The following AGBL5 variants were observed in gnomAD, a reference collection of about 807,000 sequenced individuals.
AGBL5 encodes the protein cytosolic carboxypeptidase-like protein 5.
In AGBL5, 51 loss-of-function variants were observed where a neutral mutation model predicts 88.0. The observed-to-expected ratio is 0.58, with a 90% CI of 0.46 to 0.73. The LOEUF (loss-of-function observed/expected upper bound fraction) is 0.73, where lower values mean the gene tolerates loss of function less well. Among genes scored for constraint, AGBL5 ranks in the 30% least tolerant of loss-of-function variants. The pLI is 0.00. For missense variants in AGBL5, 1,031 were observed against 1,162.2 expected (o/e 0.89, Z 1.64); for synonymous variants, 446 against 438.8 (o/e 1.02, Z -0.21).
In AGBL5 at chr2:27,055,216, A is replaced by G; in HGVS notation, c.871A>G (p.Met291Val). Reference sequence around the variant, plus strand: ...CCTCTTCGTCTTTAAGCTGATTCCCATGTTGAACCCCGATGGTGTGGTCCG... The same window carrying G: ...CCTCTTCGTCTTTAAGCTGATTCCCGTGTTGAACCCCGATGGTGTGGTCCG... ...RRLFVFKLIP[M>V]LNPDGVVRGH... Residue 291 changes from methionine (M) to valine (V), a missense_variant, in exon 6 of 15, where the codon ATG (methionine) becomes GTG (valine). Physicochemically the swap from Met to Val is conservative, Grantham distance 21. Coordinates refer to ENST00000360131, the MANE Select transcript of AGBL5 (RefSeq NM_021831.6). The G allele has an allele frequency of 1.2e-6, 2 of 1,614,066 alleles. No homozygotes were observed. The highest frequency in any genetic ancestry group is 8.5e-7 in the Non-Finnish European group (1 of 1,180,008).
In AGBL5 at chr2:27,069,610, G is replaced by C; in HGVS notation, c.2393G>C (p.Arg798Pro). Residue 798 changes from arginine to proline, a missense_variant, in exon 14 of 15, where the codon CGC becomes CCC. Physicochemically the swap from Arg to Pro is moderately radical, Grantham distance 103 (BLOSUM62 -2). This residue lies in a region of AGBL5 where 491 missense variants were observed against 484.0 expected (regional missense o/e 1.01). Transcript: ENST00000360131. ...PRLGRGSPPTRRGMKGSSGPT... is the reference protein window; with the variant it reads ...PRLGRGSPPTPRGMKGSSGPT... ...TTGGGCCGGGGCTCACCGCCGACTC[G>C]CAGAGGGATGAAAGGCTCTTCAGGC... 2 of 1,614,164 alleles carry C rather than the reference G, an allele frequency of 1.2e-6. No individual in the cohort carries two copies. Among genetic ancestry groups the C allele is most frequent in the Non-Finnish European group, 1.7e-6 (2 of 1,180,024 alleles).
chr2:27,050,714 G>C (rs1668037847), upstream of AGBL5, among the ~76,000 whole-genome samples: 1 of 152,224 alleles, frequency 6.6e-6, no homozygotes, highest in South Asian at 2.1e-4. Context: ...GGAGAAAGCG[G>C]GGGTCATGGC....
chr2:27,065,939 T>C (rs1470198777), intron 11 of AGBL5, among the ~76,000 whole-genome samples: 2 of 152,132 alleles, frequency 1.3e-5, no homozygotes, highest in African/African-American at 4.8e-5. Context: ...TTTGAATGTG[T>C]AGTGTTCAAA....
In AGBL5 at chr2:27,054,945, G is replaced by A. The variant is rs1668356091; in HGVS notation, c.730-130G>A. On this transcript the variant is annotated intron_variant, in intron 5 of 14. Transcript: ENST00000360131. ...GCGTGCGGCAAGGGTGATGGCCCCT[G>A]CTCCACTTGCAGATTCAGCCAGCTG... 5 of 1,480,664 alleles carry A rather than the reference G, an allele frequency of 3.4e-6. No individual in the cohort carries two copies. In the South Asian group the frequency reaches 6.4e-5, roughly 19 times the overall value. The allele number at this position is 1,480,664 out of a possible 1,614,324, so 91.7% of individuals were successfully genotyped here. A position where few individuals can be genotyped will look rare whatever the true frequency, so the allele number is the denominator to read the frequency against.
intron 11 of AGBL5, 40 bp from the exon 12 acceptor site, chr2:27,067,454 C>G (rs373335393): frequency 3.8e-6 from 6 of 1,596,630 alleles, no homozygotes; most frequent in Non-Finnish European, 5.1e-6. Flanking sequence ...TAGTGCCCCA[C>G]TTATTTGCCC....
chr2:27,056,506 A>T, intron 7 of AGBL5, 117 bp from the exon 8 acceptor site: 2 of 892,642 alleles, frequency 2.2e-6, no homozygotes, highest in Non-Finnish European at 3.4e-6. Flanking sequence ...GATTACTGTT[A>T]ATGGTTGTGA....
At chr2:27,069,760 C>G in intron 14 of AGBL5, 54 bp downstream of exon 14, 1 of 1,561,700 alleles carries the variant, frequency 6.4e-7, no homozygotes, top group South Asian at 1.2e-5. Context: ...TCCCCTCATT[C>G]CCATTTCTGT....
upstream of AGBL5, chr2:27,051,575 A>G (rs1668144464): frequency 6.6e-6 from 1 of 152,260 alleles, no homozygotes; most frequent in Non-Finnish European, 1.5e-5. Context: ...ACGTGCGAGG[A>G]ACCCTGAGAG....
At chr2:27,050,805 G>A (rs1204089929), upstream of AGBL5, among the ~76,000 whole-genome samples, 3 of 152,244 alleles carry the variant, frequency 2.0e-5, no homozygotes, top group Non-Finnish European at 4.4e-5. Flanking sequence ...AGTTGGTAGA[G>A]CGGAGGACTG....
At chr2:27,061,403 A>C (rs1668711277) in intron 11 of AGBL5, among the ~76,000 whole-genome samples, 1 of 152,072 alleles carries the variant, frequency 6.6e-6, no homozygotes, top group Non-Finnish European at 1.5e-5. Context: ...CGTCTGGCTA[A>C]TTTTTGTACT....
chr2:27,059,432 AT>A, intron 11 of AGBL5, 28 bp downstream of exon 11: 1 of 1,613,504 alleles, frequency 6.2e-7, no homozygotes, highest in East Asian at 2.2e-5. Context: ...CCCCTGCAAC[AT>A]GTGTTCGGTT....
Position 27,068,736 on chromosome 2 carries a change from C to T in AGBL5, c.2347C>T (p.Arg783Ter), listed in dbSNP as rs1418614155. 7 of 1,613,874 alleles carry T rather than the reference C, an allele frequency of 4.3e-6. No individual in the cohort carries two copies. The highest frequency in any genetic ancestry group is 1.3e-5 in the African/African-American group (1 of 74,888). Residue 783 changes from arginine to a stop codon, truncating the protein, a stop_gained, in exon 13 of 15, where the codon CGA becomes TGA. Transcript: ENST00000360131. LOFTEE classifies it high-confidence loss of function. ...TGARMPCIKT[R>*]LQARPRLGRG... ...AGCTCGGATGCCCTGCATCAAGACT[C>T]GATTGCAGGTAATATTTTTGGGTCT...
In AGBL5 at chr2:27,053,658, T is replaced by TATGA. The variant is rs1480585971; in HGVS notation, c.387+87_387+90dup. 6.6e-7 allele frequency: 1 copy of TATGA among 1,508,962 alleles called. No homozygotes were observed. The highest frequency in any genetic ancestry group is 1.4e-5 in the African/African-American group (1 of 71,328). 93.5% of individuals were successfully genotyped at this position (1,508,962 alleles called of 1,614,324 possible). On this transcript the variant is annotated intron_variant, in intron 3 of 14. Transcript: ENST00000360131. This position sits in a 1 kb window ranked among gnomAD's most constrained non-coding sequence, Gnocchi z 4.9. ...AGCGTTTTTTTTTCCTTGATACAAG[T>TATGA]ATGAAGCAGGTGGGACAACAGGTTT...
At chr2:27,060,468 A>T (rs1399413205) in intron 11 of AGBL5, among the ~76,000 whole-genome samples, 1 of 152,214 alleles carries the variant, frequency 6.6e-6, no homozygotes, top group African/African-American at 2.4e-5. Flanking sequence ...CTAAACCACA[A>T]ATCAATACTG....
At chr2:27,063,894 T>C (rs1330693741) in intron 11 of AGBL5, among the ~76,000 whole-genome samples, 2 of 152,226 alleles carry the variant, frequency 1.3e-5, no homozygotes, top group African/African-American at 4.8e-5. Context: ...CTGGTTGCCA[T>C]AAGATACCAT....
chr2:27,056,574 C>G, intron 7 of AGBL5, 49 bp from the exon 8 acceptor site: 1 of 1,525,214 alleles, frequency 6.6e-7, no homozygotes, highest in Non-Finnish European at 8.9e-7. Context: ...TTCCTTGCAC[C>G]TTGTCCCTTC....
intron 11 of AGBL5, among the ~76,000 whole-genome samples, chr2:27,064,781 G>GTC (rs70953845): frequency 0.071 from 6,845 of 96,246 alleles, 264 homozygotes; most frequent in East Asian, 0.2. Context: ...TTTTGAGACA[G>GTC]TCTCACTCTG....
intron 11 of AGBL5, among the ~76,000 whole-genome samples, chr2:27,059,882 C>T (rs1668627337): frequency 6.6e-6 from 1 of 152,218 alleles, no homozygotes; most frequent in Admixed American, 6.5e-5. Context: ...GGTGCAGTGG[C>T]TCATGCTTAT....
upstream of AGBL5, among the ~76,000 whole-genome samples, chr2:27,050,811 G>A (rs1379827226): frequency 1.3e-5 from 2 of 152,214 alleles, no homozygotes; most frequent in Non-Finnish European, 2.9e-5. Flanking sequence ...TAGAGCGGAG[G>A]ACTGTAGTGG....
Sources: allele counts gnomAD v4.1 joint callset (sites outside exome capture counted in the v4.1 genomes callset), GRCh38; gene constraint gnomAD v4.1.1; regional missense constraint gnomAD v4.1.1; non-coding constraint Gnocchi (gnomAD v3.1); transcripts MANE v1.5; gene names NCBI Gene and HGNC (gene_info 2026-07-23, HGNC 2026-07-21).